GRAMD1B: variants seen among roughly 807,000 people sequenced by gnomAD.
GRAMD1B encodes protein Aster-B.
Under a neutral mutation model 99.7 loss-of-function variants are expected in GRAMD1B, and 37 were observed. The ratio of observed to expected loss-of-function variants is 0.37; its 90% CI spans 0.29 to 0.49. The LOEUF is 0.49. Among genes scored for constraint, GRAMD1B ranks in the 20% least tolerant of loss-of-function variants. The pLI is 0.98. For synonymous variants in GRAMD1B, 427 were observed against 387.6 expected (o/e 1.10, Z -1.19); for missense variants, 888 against 1,009.2 (o/e 0.88, Z 1.63).
rs145283894 is a variant in GRAMD1B at position 123,411,092 on chromosome 11, C to G, written c.-176+52293C>G. Among the ~76,000 whole-genome samples, 1,224 of 151,958 alleles carry G rather than the reference C, an allele frequency of 8.1e-3. 18 individuals carry two copies. Among genetic ancestry groups the G allele is most frequent in the African/African-American group, 0.028 (1,177 of 41,426 alleles). ...TGATCTCGGCTCACTGCAAGCTCCA[C>G]CTCCCGGGTTCATGCCATTCTCCTG... is the stretch of plus-strand genomic sequence containing the variant. On this transcript the variant is annotated intron_variant, in intron 1 of 20. Transcript: ENST00000638157.
chr11:123,528,896 C>T (rs7950063), intron 2 of GRAMD1B, among the ~76,000 whole-genome samples: 4,783 of 152,182 alleles, frequency 0.031, 266 homozygotes, highest in African/African-American at 0.11. Flanking sequence ...GTGGGGAAGC[C>T]AGGATACACT....
At position 123,368,275 on chromosome 11, in the gene GRAMD1B, A is replaced by G. The variant is rs73023735; in HGVS notation, c.-176+9476A>G. Among the ~76,000 whole-genome samples, 203 of 127,138 alleles carry G rather than the reference A, an allele frequency of 1.6e-3. 5 individuals carry two copies. In the East Asian group the frequency reaches 0.016, roughly 10 times the overall value. 83.4% of individuals were successfully genotyped at this position (127,138 alleles called of 152,430 possible). ...TCTTAAAACAAAAAAAAAAAAAAAAAAAAGAAAGAAAGAGGAGGGTCCCTA... is the reference window on the plus strand; with the variant it reads ...TCTTAAAACAAAAAAAAAAAAAAAAGAAAGAAAGAAAGAGGAGGGTCCCTA... On this transcript the variant is annotated intron_variant, in intron 1 of 20. Transcript: ENST00000638157.
chr11:123,620,493 A>AG (rs1273512462), intron 19 of GRAMD1B, among the ~76,000 whole-genome samples: 3 of 151,608 alleles, frequency 2.0e-5, no homozygotes, highest in Non-Finnish European at 4.4e-5. Context: ...AAAAAAAAAA[A>AG]AAAGGGAAAA....
intron 2 of GRAMD1B, among the ~76,000 whole-genome samples, chr11:123,509,526 G>A (rs989886940): frequency 1.3e-5 from 2 of 152,222 alleles, no homozygotes; most frequent in Admixed American, 1.3e-4. Context: ...TCACCAGAGC[G>A]TACACCCCGT....
chr11:123,382,981 A>T (rs1323371876), intron 1 of GRAMD1B, among the ~76,000 whole-genome samples: 1 of 152,112 alleles, frequency 6.6e-6, no homozygotes, highest in East Asian at 1.9e-4. Flanking sequence ...AAGGCAAGAG[A>T]ACTGGTTACA....
At chr11:123,596,119 G>T in intron 7 of GRAMD1B, 82 bp downstream of exon 7, 2 of 757,844 alleles carry the variant, frequency 2.6e-6, no homozygotes, top group Non-Finnish European at 2.2e-6. Flanking sequence ...TGAATCGCAT[G>T]AATGTGGAAG....
At position 123,438,594 on chromosome 11, in the gene GRAMD1B, G is replaced by C. The variant is rs866981206; in HGVS notation, c.374+7428G>C. ...AATCTGTGGAAACTGAGACGGTAGA[G>C]ATGGAACCCTGTGGGCTGATTTCAT... On this transcript the variant is annotated intron_variant, in intron 1 of 19. Coordinates refer to ENST00000635736, the MANE Select transcript of GRAMD1B (RefSeq NM_001387025.1). 2.6e-5 allele frequency among the ~76,000 whole-genome samples: 4 copies of C among 152,336 alleles called. No individual in the cohort carries two copies. In the Middle Eastern group the frequency reaches 0.01, roughly 389 times the overall value.
At chr11:123,358,506 C>T (rs1946031317) in exon 1 of GRAMD1B, 2 of 152,262 alleles carry the variant, frequency 1.3e-5, no homozygotes, top group Middle Eastern at 3.4e-3. Context: ...CCCAGCGGCT[C>T]CCGCCCCGCC....
intron 1 of GRAMD1B, among the ~76,000 whole-genome samples, chr11:123,372,094 C>T (rs371351398): frequency 6.6e-6 from 1 of 152,318 alleles, no homozygotes; most frequent in African/African-American, 2.4e-5. Context: ...CTTTGTCAAC[C>T]TGTTATCCTG....
At chr11:123,393,580 G>T (rs1947354589) in intron 1 of GRAMD1B, among the ~76,000 whole-genome samples, 1 of 152,326 alleles carries the variant, frequency 6.6e-6, no homozygotes, top group Middle Eastern at 3.4e-3. Flanking sequence ...CTCACCGCGT[G>T]CATCTTTCCT....
Position 123,492,434 on chromosome 11 carries a change from A to G in GRAMD1B, c.452+11541A>G, listed in dbSNP as rs1938655479. On this transcript the variant is annotated intron_variant, in intron 2 of 19. Coordinates refer to ENST00000635736, the MANE Select transcript of GRAMD1B (RefSeq NM_001387025.1). The surrounding 1 kb of genome is among the most constrained non-coding windows in gnomAD (Gnocchi z 4.2). ...TCACCTCGTCGGGCACTTTGGTCTGACTCCAGAATTATTTGAGCATGCATC... is the reference window on the plus strand; with the variant it reads ...TCACCTCGTCGGGCACTTTGGTCTGGCTCCAGAATTATTTGAGCATGCATC... Among the ~76,000 whole-genome samples the G allele has an allele frequency of 6.6e-6, 1 of 151,724 alleles. No homozygotes were observed. The highest frequency in any genetic ancestry group is 2.4e-5 in the African/African-American group (1 of 41,248).
intron 2 of GRAMD1B, among the ~76,000 whole-genome samples, chr11:123,491,417 G>A (rs906726243): frequency 6.6e-6 from 1 of 152,086 alleles, no homozygotes; most frequent in African/African-American, 2.4e-5. Context: ...CCTTACCATG[G>A]GGAGAGAGCC....
At chr11:123,531,059 T>G (rs1236647397) in intron 2 of GRAMD1B, among the ~76,000 whole-genome samples, 1 of 152,246 alleles carries the variant, frequency 6.6e-6, no homozygotes, top group Non-Finnish European at 1.5e-5. Flanking sequence ...GTTTGCGTTC[T>G]TCTGTAGCCA....
intron 1 of GRAMD1B, among the ~76,000 whole-genome samples, chr11:123,362,431 T>A (rs1215608746): frequency 1.3e-5 from 2 of 152,162 alleles, no homozygotes; most frequent in African/African-American, 2.4e-5. Context: ...AAAGAGAAGT[T>A]TTTCCCTTCT....
At chr11:123,496,698 C>T (rs887567408) in intron 2 of GRAMD1B, among the ~76,000 whole-genome samples, 1 of 151,504 alleles carries the variant, frequency 6.6e-6, no homozygotes, top group Non-Finnish European at 1.5e-5. Flanking sequence ...TTCTAGTTCA[C>T]CAATTCTTCC....
chr11:123,372,037 G>A (rs1946545403), intron 1 of GRAMD1B, among the ~76,000 whole-genome samples: 1 of 152,182 alleles, frequency 6.6e-6, no homozygotes, highest in African/African-American at 2.4e-5. Context: ...TTATCTGCCT[G>A]TTGCTTTGAT....
intron 1 of GRAMD1B, among the ~76,000 whole-genome samples, chr11:123,476,937 A>G (rs1951306702): frequency 6.6e-6 from 1 of 152,182 alleles, no homozygotes; most frequent in Non-Finnish European, 1.5e-5. Flanking sequence ...ATTGAGAGTT[A>G]TCATTTTTCT....
At chr11:123,548,325 T>TATACACACACAC (rs1555067740) in intron 2 of GRAMD1B, among the ~76,000 whole-genome samples, 8 of 86,902 alleles carry the variant, frequency 9.2e-5, no homozygotes, top group Admixed American at 2.5e-4. Context: ...TATATATATA[T>TATACACACACAC]ACACACACAC....
intron 2 of GRAMD1B, among the ~76,000 whole-genome samples, chr11:123,516,718 CAG>C (rs1291166024): frequency 6.6e-6 from 1 of 152,104 alleles, no homozygotes; most frequent in Non-Finnish European, 1.5e-5. Context: ...TTTTGGAAAA[CAG>C]AGATATATCC....
Sources: allele counts gnomAD v4.1 joint callset (sites outside exome capture counted in the v4.1 genomes callset), GRCh38; gene constraint gnomAD v4.1.1; non-coding constraint Gnocchi (gnomAD v3.1); transcripts MANE v1.5; gene names NCBI Gene and HGNC (gene_info 2026-07-23, HGNC 2026-07-21).